Variants in GABPB2 observed in about 807,000 individuals in gnomAD.
The protein encoded by GABPB2 is GA binding protein transcription factor subunit beta 2.
Under a neutral mutation model 39.1 loss-of-function variants are expected in GABPB2, and 23 were observed. The observed-to-expected ratio is 0.59, with a 90% CI of 0.42 to 0.83. The LOEUF is 0.83. Among genes scored for constraint, GABPB2 ranks in the 40% least tolerant of loss-of-function variants. The probability of loss-of-function intolerance (pLI) is 0.00; values close to 1 mark genes in which losing one functional copy is unlikely to be tolerated. For missense variants in GABPB2, 467 were observed against 541.1 expected (o/e 0.86, Z 1.36); for synonymous variants, 184 against 199.3 (o/e 0.92, Z 0.65).
At chr1:151,111,304 C>T (rs1558158328) in intron 7 of GABPB2, among the ~76,000 whole-genome samples, 1 of 150,726 alleles carries the variant, frequency 6.6e-6, no homozygotes, top group Admixed American at 6.7e-5. Flanking sequence ...AGTGCAGTGG[C>T]GCAATCTCGG....
At chr1:151,106,406 C>T (rs1351804141) in intron 6 of GABPB2, among the ~76,000 whole-genome samples, 1 of 151,988 alleles carries the variant, frequency 6.6e-6, no homozygotes, top group Non-Finnish European at 1.5e-5. Context: ...GGCTCCATCT[C>T]GACTCACTGC....
intron 1 of GABPB2, among the ~76,000 whole-genome samples, chr1:151,077,512 A>G (rs979676041): frequency 6.6e-6 from 1 of 151,602 alleles, no homozygotes; most frequent in Admixed American, 6.6e-5. Flanking sequence ...ATGCAACACC[A>G]CGCCCAGCTA....
chr1:151,108,660 C>T (rs1307484568), intron 7 of GABPB2, among the ~76,000 whole-genome samples: 1 of 152,086 alleles, frequency 6.6e-6, no homozygotes, highest in Non-Finnish European at 1.5e-5. Context: ...CGCCACCATG[C>T]CCAGCTATAT....
intron 5 of GABPB2, among the ~76,000 whole-genome samples, chr1:151,102,963 T>C (rs1453305059): frequency 1.3e-5 from 2 of 151,964 alleles, no homozygotes; most frequent in Non-Finnish European, 2.9e-5. Context: ...ACTCTTGGTC[T>C]GTTAGCTACT....
At chr1:151,083,816 A>G (rs1042202965) in intron 1 of GABPB2, among the ~76,000 whole-genome samples, 2 of 150,834 alleles carry the variant, frequency 1.3e-5, no homozygotes, top group Admixed American at 1.3e-4. Flanking sequence ...ATCTTGGCTC[A>G]CTGCAACCTC....
chr1:151,081,516 C>G (rs1299100091), intron 1 of GABPB2, among the ~76,000 whole-genome samples: 3 of 151,948 alleles, frequency 2.0e-5, no homozygotes, highest in Non-Finnish European at 4.4e-5. Context: ...AACAAAGAAA[C>G]AAACCGTATA....
At chr1:151,105,125 T>G (rs1679857110) in intron 6 of GABPB2, among the ~76,000 whole-genome samples, 1 of 152,088 alleles carries the variant, frequency 6.6e-6, no homozygotes. Flanking sequence ...CAGGCTGGTC[T>G]CAAACTACTG....
At chr1:151,093,048 A>G (rs1678840787) in intron 3 of GABPB2, 144 bp from the exon 4 acceptor site, 1 of 571,238 alleles carries the variant, frequency 1.8e-6, no homozygotes, top group Non-Finnish European at 2.8e-6. Flanking sequence ...GAATTTGAGA[A>G]ATGTTTTTCC....
At chr1:151,113,708 G>T (rs1680641283) in intron 7 of GABPB2, among the ~76,000 whole-genome samples, 1 of 152,096 alleles carries the variant, frequency 6.6e-6, no homozygotes, top group Admixed American at 6.5e-5. Context: ...GGTAGAGACA[G>T]GGTTTTGCCA....
chr1:151,105,436 CAA>C (rs1162632804), intron 6 of GABPB2, among the ~76,000 whole-genome samples: 2 of 147,088 alleles, frequency 1.4e-5, no homozygotes, highest in African/African-American at 2.5e-5. Flanking sequence ...ATATATATAT[CAA>C]ATATATATAC....
chr1:151,103,633 G>A lies in GABPB2; in HGVS notation c.694G>A (p.Ala232Thr). 1 of 1,614,104 alleles carries A rather than the reference G, an allele frequency of 6.2e-7. No individual in the cohort carries two copies. The highest frequency in any genetic ancestry group is 2.2e-5 in the East Asian group (1 of 44,882). Residue 232 changes from alanine to threonine, a missense_variant, in exon 6 of 9, where the codon GCT becomes ACT. By Grantham distance (58) the Ala-to-Thr change is moderately conservative. Coordinates refer to ENST00000368918, the MANE Select transcript of GABPB2 (RefSeq NM_144618.3). The stretch of plus-strand genomic sequence containing the variant: ...AGTGCTGGCTACCCTTGCAGCTCTT[G>A]CTGAGGCATCAGTCCCCCTCTCCAA... ...TSVLATLAAL[A>T]EASVPLSNSH...
intron 7 of GABPB2, among the ~76,000 whole-genome samples, chr1:151,108,327 G>A (rs1680132089): frequency 6.6e-6 from 1 of 151,970 alleles, no homozygotes; most frequent in Admixed American, 6.6e-5. Flanking sequence ...ACACCAACAC[G>A]CCCAGTTAAT....
In GABPB2 at chr1:151,090,513, G is replaced by A; in HGVS notation, c.216G>A (p.Arg72=). ...GGGATGCCCGGACTAAAGTAGACAG[G>A]ACCCCCTTGCACATGGCTGCAGCCG... ...VSRDARTKVD[R]TPLHMAAADG... is the part of the protein sequence containing the mutation. Residue 72 remains arginine (R), a synonymous_variant, in exon 3 of 9, where the codon AGG becomes AGA. Coordinates refer to ENST00000368918, the MANE Select transcript of GABPB2 (RefSeq NM_144618.3). The A allele has an allele frequency of 1.9e-6, 3 of 1,614,102 alleles. No homozygotes were observed. Among genetic ancestry groups the A allele is most frequent in the Non-Finnish European group, 2.5e-6 (3 of 1,180,002 alleles).
chr1:151,108,852 G>A (rs1187502523), intron 7 of GABPB2, among the ~76,000 whole-genome samples: 2 of 152,086 alleles, frequency 1.3e-5, no homozygotes, highest in African/African-American at 2.4e-5. Context: ...TTTGAAAAGA[G>A]GAAGCCCATC....
At chr1:151,081,016 G>T (rs1277246379) in intron 1 of GABPB2, among the ~76,000 whole-genome samples, 3 of 150,078 alleles carry the variant, frequency 2.0e-5, no homozygotes, top group Non-Finnish European at 4.5e-5. Context: ...GGGACTACAC[G>T]GGCCCACCAC....
chr1:151,100,336 G>T (rs892089130), intron 5 of GABPB2, among the ~76,000 whole-genome samples: 29 of 151,586 alleles, frequency 1.9e-4, no homozygotes, highest in Non-Finnish European at 3.2e-4. Context: ...GTAGAGACGG[G>T]GTTTCACCAT....
At chr1:151,079,012 CAA>C (rs1259252542) in intron 1 of GABPB2, among the ~76,000 whole-genome samples, 2 of 151,990 alleles carry the variant, frequency 1.3e-5, no homozygotes, top group South Asian at 2.1e-4. Flanking sequence ...CAGGTTAACT[CAA>C]AAGAGTAACT....
At chr1:151,077,777 C>T (rs150177206) in intron 1 of GABPB2, among the ~76,000 whole-genome samples, 7,220 of 150,048 alleles carry the variant, frequency 0.048, 284 homozygotes, top group African/African-American at 0.1. Flanking sequence ...ATGGTGAAAC[C>T]CTGTCTCTAC....
In GABPB2 at chr1:151,086,114, G is replaced by A. The variant is rs587700934; in HGVS notation, c.1-2076G>A. 1.1e-4 allele frequency among the ~76,000 whole-genome samples: 16 copies of A among 152,154 alleles called. No individual in the cohort carries two copies. The South Asian group carries it at 1.2e-3, about 12-fold the overall frequency. On this transcript the variant is annotated intron_variant, in intron 1 of 8. Coordinates refer to ENST00000368918, the MANE Select transcript of GABPB2 (RefSeq NM_144618.3). ...ACAAAAATTAGCTGGGCATGGTGGT[G>A]TGTGCTTGTAGTCCCAGCTACTCGG...
Sources: allele counts gnomAD v4.1 joint callset (sites outside exome capture counted in the v4.1 genomes callset), GRCh38; gene constraint gnomAD v4.1.1; transcripts MANE v1.5; gene names NCBI Gene and HGNC (gene_info 2026-07-23, HGNC 2026-07-21).